APLP2: variants seen among roughly 807,000 people sequenced by gnomAD.
APLP2 encodes amyloid beta precursor like protein 2.
In APLP2, 53 loss-of-function variants were observed where a neutral mutation model predicts 89.9. The observed-to-expected ratio is 0.59, with a 90% CI of 0.47 to 0.74. The LOEUF (loss-of-function observed/expected upper bound fraction) is 0.74, where lower values mean the gene tolerates loss of function less well. Among genes scored for constraint, APLP2 ranks in the 30% least tolerant of loss-of-function variants. The pLI, the probability that APLP2 is intolerant of heterozygous loss-of-function variation, is 0.00. For synonymous variants in APLP2, 372 were observed against 348.6 expected, an observed-to-expected ratio of 1.07 and a Z score of -0.75; for missense variants, 973 against 975.9, an observed-to-expected ratio of 1.00 and a Z score of 0.04.
chr11:130,091,833 C>T (rs1478608130), intron 1 of APLP2, among the ~76,000 whole-genome samples: 1 of 148,972 alleles, frequency 6.7e-6, no homozygotes, highest in East Asian at 2.2e-4. Flanking sequence ...CCCCCCCCAC[C>T]TCCCTCCCGG....
intron 1 of APLP2, among the ~76,000 whole-genome samples, chr11:130,085,160 T>TC (rs75494874): frequency 0.1 from 15,334 of 152,126 alleles, 1,181 homozygotes; most frequent in African/African-American, 0.21. Context: ...ATCAAAAACC[T>TC]CCCAACAGGC....
At chr11:130,119,917 C>T (rs1241019066) in intron 3 of APLP2, among the ~76,000 whole-genome samples, 1 of 152,136 alleles carries the variant, frequency 6.6e-6, no homozygotes, top group Non-Finnish European at 1.5e-5. Flanking sequence ...TTAAAAGGAT[C>T]ACATACTACA....
At chr11:130,094,454 GC>G (rs1297602472) in intron 1 of APLP2, among the ~76,000 whole-genome samples, 1 of 152,140 alleles carries the variant, frequency 6.6e-6, no homozygotes, top group Non-Finnish European at 1.5e-5. Flanking sequence ...CTCCCAAAGT[GC>G]TGGGATTACA....
intron 3 of APLP2, among the ~76,000 whole-genome samples, chr11:130,113,254 C>T (rs1948799794): frequency 1.3e-5 from 2 of 152,184 alleles, no homozygotes; most frequent in South Asian, 4.1e-4. Flanking sequence ...AGTTGGTACA[C>T]AACAGAAATT....
chr11:130,132,604 C>CT (rs61481686), intron 11 of APLP2, among the ~76,000 whole-genome samples: 12,216 of 134,000 alleles, frequency 0.091, 512 homozygotes, highest in African/African-American at 0.13. Flanking sequence ...TTCTAATGGC[C>CT]TTTTTTTTTT....
At chr11:130,105,062 G>T (rs1414488872) in intron 1 of APLP2, among the ~76,000 whole-genome samples, 1 of 152,192 alleles carries the variant, frequency 6.6e-6, no homozygotes, top group Non-Finnish European at 1.5e-5. Context: ...TCATGTCTGT[G>T]TAGTTCATCA....
intron 12 of APLP2, 129 bp downstream of exon 12, chr11:130,133,857 T>A (rs2136075529): frequency 1.5e-6 from 1 of 682,046 alleles, no homozygotes; most frequent in East Asian, 2.6e-5. Flanking sequence ...ACATCCTGGC[T>A]TCAGAAGCCT....
rs749264722 is a variant in APLP2 at position 130,130,147 on chromosome 11, C to G, written c.1565C>G (p.Ala522Gly). The G allele has an allele frequency of 5.6e-6, 9 of 1,614,112 alleles. No individual in the cohort carries two copies. Among genetic ancestry groups the G allele is most frequent in the Non-Finnish European group, 7.6e-6 (9 of 1,180,050 alleles). Residue 522 changes from alanine (A) to glycine (G), a missense_variant, in exon 11 of 17, where the codon GCG (alanine) becomes GGG (glycine). By Grantham distance (60) the Ala-to-Gly change is moderately conservative (BLOSUM62 0). Transcript: ENST00000338167. Reference sequence around the variant, plus strand: ...GTGTTGGCTGTTGACCCAGAAAAGGCGGCCCAGATGAAATCCCAGGTACAG... The same window carrying G: ...GTGTTGGCTGTTGACCCAGAAAAGGGGGCCCAGATGAAATCCCAGGTACAG... ...QHVLAVDPEK[A>G]AQMKSQVMTH...
chr11:130,142,677 G>T (rs771171942), intron 16 of APLP2, among the ~76,000 whole-genome samples: 3 of 152,092 alleles, frequency 2.0e-5, no homozygotes, highest in African/African-American at 7.2e-5. Context: ...GCAGTGGCGC[G>T]ATCTCAGCGC....
intron 8 of APLP2, 75 bp downstream of exon 8, chr11:130,126,905 A>G: frequency 6.3e-7 from 1 of 1,587,216 alleles, no homozygotes; most frequent in East Asian, 2.3e-5. Flanking sequence ...GAAGAAAAGT[A>G]ATAGCTTCTC....
intron 1 of APLP2, chr11:130,109,216 A>G (rs564694116): frequency 2.3e-4 from 85 of 366,528 alleles, no homozygotes; most frequent in African/African-American, 1.9e-3. Flanking sequence ...ATAAATAAAA[A>G]AGTTTTTTCC....
intron 11 of APLP2, among the ~76,000 whole-genome samples, chr11:130,132,327 C>T (rs1951018754): frequency 6.6e-6 from 1 of 152,186 alleles, no homozygotes; most frequent in Non-Finnish European, 1.5e-5. Flanking sequence ...AGAGAGATGT[C>T]AGTCTACAAT....
chr11:130,090,493 T>G (rs1384762772), intron 1 of APLP2, among the ~76,000 whole-genome samples: 13 of 151,896 alleles, frequency 8.6e-5, no homozygotes, highest in Admixed American at 8.5e-4. Flanking sequence ...TTCAAGCATC[T>G]GTTTAACAAA....
chr11:130,084,141 G>A (rs369543056), intron 1 of APLP2, among the ~76,000 whole-genome samples: 1,609 of 152,230 alleles, frequency 0.011, 33 homozygotes, highest in African/African-American at 0.038. Flanking sequence ...AGCTACTCGG[G>A]AGGCTGAGGC....
chr11:130,087,103 AATT>A (rs1355035921), intron 1 of APLP2, among the ~76,000 whole-genome samples: 1 of 152,234 alleles, frequency 6.6e-6, no homozygotes, highest in Non-Finnish European at 1.5e-5. Flanking sequence ...CTTTAAAGTT[AATT>A]ATTGTAAATT....
chr11:130,075,468 A>G (rs764037186), intron 1 of APLP2, among the ~76,000 whole-genome samples: 1 of 152,246 alleles, frequency 6.6e-6, no homozygotes, highest in Non-Finnish European at 1.5e-5. Context: ...TAAACAGTAC[A>G]GTAGTAAAAC....
intron 1 of APLP2, among the ~76,000 whole-genome samples, chr11:130,086,868 C>T (rs1944197799): frequency 6.6e-6 from 1 of 152,164 alleles, no homozygotes; most frequent in Non-Finnish European, 1.5e-5. Flanking sequence ...CAATATCACA[C>T]TGTTTGATTA....
At chr11:130,074,885 G>A (rs1210559230) in intron 1 of APLP2, among the ~76,000 whole-genome samples, 3 of 152,204 alleles carry the variant, frequency 2.0e-5, no homozygotes, top group Admixed American at 6.5e-5. Flanking sequence ...TACAGTAATT[G>A]TAGTTTCCAT....
intron 1 of APLP2, among the ~76,000 whole-genome samples, chr11:130,072,685 C>T (rs1393608705): frequency 2.0e-5 from 3 of 152,154 alleles, no homozygotes; most frequent in African/African-American, 7.2e-5. Flanking sequence ...CCATGTTGGC[C>T]AGGCTGGTCT....
Sources: gnomAD v4.1 joint callset for allele counts (sites outside exome capture counted in the v4.1 genomes callset) on GRCh38, gnomAD v4.1.1 for gene constraint, MANE v1.5 for transcripts, NCBI Gene and HGNC (gene_info 2026-07-23, HGNC 2026-07-21) for gene names.